Variants in C12orf42 observed in about 807,000 individuals in gnomAD.
C12orf42 encodes the protein uncharacterized protein C12orf42.
Under a neutral mutation model 21.6 loss-of-function variants are expected in C12orf42, and 25 were observed. The observed-to-expected ratio is 1.16, with a 90% CI of 0.84 to 1.62. C12orf42 has a LOEUF of 1.62. Among genes scored for constraint, C12orf42 ranks in the 40% most tolerant of loss-of-function variants. C12orf42 has a pLI of 0.00. For synonymous variants in C12orf42, 174 were observed against 175.0 expected (o/e 0.99, Z 0.05); for missense variants, 483 against 459.3 (o/e 1.05, Z -0.47).
At chr12:103,370,830 G>A (rs1161753150) in intron 3 of C12orf42, among the ~76,000 whole-genome samples, 1 of 151,890 alleles carries the variant, frequency 6.6e-6, no homozygotes, top group Non-Finnish European at 1.5e-5. Context: ...AACCCCTGTG[G>A]TACACAGTTC....
At chr12:103,311,260 T>A (rs1199395074) in intron 4 of C12orf42, among the ~76,000 whole-genome samples, 1 of 152,002 alleles carries the variant, frequency 6.6e-6, no homozygotes, top group African/African-American at 2.4e-5. Context: ...CCACTAGGTA[T>A]GATGTTGGGA....
the C12orf42 span, among the ~76,000 whole-genome samples, chr12:103,183,242 C>T: frequency 6.6e-6 from 1 of 152,180 alleles, no homozygotes; most frequent in East Asian, 1.9e-4. Context: ...CCACCATGTC[C>T]AGCTAATTTT....
the C12orf42 span, among the ~76,000 whole-genome samples, chr12:103,076,586 T>A: frequency 6.6e-6 from 1 of 152,160 alleles, no homozygotes; most frequent in Non-Finnish European, 1.5e-5. Flanking sequence ...ATAAGTGGAA[T>A]CTCTTCTGAT....
chr12:103,149,933 G>A, the C12orf42 span, among the ~76,000 whole-genome samples: 1 of 151,846 alleles, frequency 6.6e-6, no homozygotes, highest in Non-Finnish European at 1.5e-5. Context: ...AGTAAGTCTG[G>A]GAATGTTATA....
At chr12:103,278,833 T>G (rs2035933684) in intron 4 of C12orf42, among the ~76,000 whole-genome samples, 1 of 152,256 alleles carries the variant, frequency 6.6e-6, no homozygotes, top group Non-Finnish European at 1.5e-5. Flanking sequence ...CCACTGTAAG[T>G]GCACCTGACA....
chr12:103,522,100 C>G, the C12orf42 span, among the ~76,000 whole-genome samples: 5 of 152,172 alleles, frequency 3.3e-5, no homozygotes, highest in Non-Finnish European at 7.3e-5. Context: ...ATAATCCCCA[C>G]ATGTCAAGGG....
chr12:103,353,414 A>C (rs188829165), intron 4 of C12orf42, among the ~76,000 whole-genome samples: 2 of 152,226 alleles, frequency 1.3e-5, no homozygotes, highest in Admixed American at 1.3e-4. Flanking sequence ...TTACAGAATC[A>C]AAACTTGCAT....
At chr12:103,282,841 G>A (rs1431713192) in intron 4 of C12orf42, among the ~76,000 whole-genome samples, 2 of 152,206 alleles carry the variant, frequency 1.3e-5, no homozygotes, top group African/African-American at 4.8e-5. Flanking sequence ...CCATGAAAGA[G>A]TCACTTTGAG....
At chr12:103,146,028 T>C in the C12orf42 span, among the ~76,000 whole-genome samples, 1,770 of 152,210 alleles carry the variant, frequency 0.012, 31 homozygotes, top group African/African-American at 0.037. Flanking sequence ...AAAATGCTAA[T>C]GCTAATCTAG....
chr12:103,289,308 G>A (rs1566021641), intron 4 of C12orf42, among the ~76,000 whole-genome samples: 1 of 151,876 alleles, frequency 6.6e-6, no homozygotes, highest in Non-Finnish European at 1.5e-5. Context: ...TTTTGTTTTG[G>A]ACCAAATATT....
chr12:103,298,847 C>A (rs570699682), downstream of C12orf42, among the ~76,000 whole-genome samples: 2 of 152,160 alleles, frequency 1.3e-5, no homozygotes, highest in Non-Finnish European at 2.9e-5. Flanking sequence ...CCTTTCCTTC[C>A]CTTATTTTCT....
intron 1 of C12orf42, among the ~76,000 whole-genome samples, chr12:103,485,985 C>T (rs1032603536): frequency 2.0e-5 from 3 of 152,128 alleles, no homozygotes; most frequent in African/African-American, 7.2e-5. Flanking sequence ...GCCTGATTGC[C>T]CTGGCCAGAA....
chr12:103,412,065 A>T (rs2048893423), intron 2 of C12orf42, among the ~76,000 whole-genome samples: 2 of 152,212 alleles, frequency 1.3e-5, no homozygotes, highest in South Asian at 4.1e-4. Flanking sequence ...CAAAGGTGCC[A>T]CATCAGGACT....
At chr12:103,551,189 G>A in the C12orf42 span, among the ~76,000 whole-genome samples, 1 of 151,420 alleles carries the variant, frequency 6.6e-6, no homozygotes, top group African/African-American at 2.4e-5. Flanking sequence ...TTGATCATAA[G>A]TGAAGAATCT....
intron 2 of C12orf42, among the ~76,000 whole-genome samples, chr12:103,402,039 T>C (rs901725855): frequency 1.3e-5 from 2 of 152,236 alleles, no homozygotes; most frequent in Non-Finnish European, 2.9e-5. Context: ...CCCTTTGCCA[T>C]GTGACTTTGA....
At chr12:103,458,807 G>C (rs189111936) in intron 2 of C12orf42, among the ~76,000 whole-genome samples, 4 of 152,204 alleles carry the variant, frequency 2.6e-5, no homozygotes, top group South Asian at 2.1e-4. Context: ...CCTAGTTGGG[G>C]AACTATACAG....
the C12orf42 span, among the ~76,000 whole-genome samples, chr12:103,089,447 G>A: frequency 1.3e-5 from 2 of 152,166 alleles, no homozygotes; most frequent in Admixed American, 1.3e-4. Flanking sequence ...ACTGTCAATG[G>A]ACATCTCTTT....
chr12:103,166,050 G>C, the C12orf42 span, among the ~76,000 whole-genome samples: 42 of 139,112 alleles, frequency 3.0e-4, no homozygotes, highest in South Asian at 9.2e-3. Flanking sequence ...AAAAAAAAAA[G>C]AAAGAAAAAA....
chr12:103,367,345 A>G (rs556197033), intron 4 of C12orf42, among the ~76,000 whole-genome samples: 1 of 151,880 alleles, frequency 6.6e-6, no homozygotes, highest in African/African-American at 2.4e-5. Flanking sequence ...GGTTCAGTGT[A>G]TAATACTCTG....
Sources: gnomAD v4.1 joint callset for allele counts (sites outside exome capture counted in the v4.1 genomes callset) on GRCh38, gnomAD v4.1.1 for gene constraint, MANE v1.5 for transcripts, NCBI Gene and HGNC (gene_info 2026-07-23, HGNC 2026-07-21) for gene names.